PTPRN2: variants seen among roughly 807,000 people sequenced by gnomAD.
PTPRN2 encodes the protein receptor-type tyrosine-protein phosphatase N2.
Under a neutral mutation model 118.8 loss-of-function variants are expected in PTPRN2, and 74 were observed. That is an observed-to-expected ratio of 0.62 (90% CI 0.52 to 0.76). The LOEUF (loss-of-function observed/expected upper bound fraction) is 0.76, where lower values mean the gene tolerates loss of function less well. Among genes scored for constraint, PTPRN2 ranks in the 30% least tolerant of loss-of-function variants. PTPRN2 has a pLI of 0.00. For synonymous variants in PTPRN2, 641 were observed against 608.0 expected (o/e 1.05, Z -0.80); for missense variants, 1,481 against 1,394.4 (o/e 1.06, Z -0.99).
intron 2 of PTPRN2, among the ~76,000 whole-genome samples, chr7:158,457,185 G>A (rs1818569428): frequency 6.6e-6 from 1 of 152,168 alleles, no homozygotes; most frequent in Admixed American, 6.5e-5. Context: ...CAAGAATCCA[G>A]GCTGAGTCTT....
rs149195134 is a variant in PTPRN2 at position 157,961,243 on chromosome 7, A to G, written c.1724-62506T>C. Among the ~76,000 whole-genome samples the G allele has an allele frequency of 5.6e-3, 856 of 152,224 alleles. 10 individuals are homozygous for G. The highest frequency in any genetic ancestry group is 0.02 in the African/African-American group (811 of 41,532). On this transcript the variant is annotated intron_variant, in intron 11 of 22. Transcript: ENST00000389418. ...GCACACAATATAGATATTAAGAATTATTATAAGGTCAGGCGTGGTAGCTCA... is the reference window on the plus strand; with the variant it reads ...GCACACAATATAGATATTAAGAATTGTTATAAGGTCAGGCGTGGTAGCTCA...
intron 6 of PTPRN2, among the ~76,000 whole-genome samples, chr7:158,145,579 G>A (rs934741174): frequency 6.6e-6 from 1 of 152,218 alleles, no homozygotes; most frequent in Non-Finnish European, 1.5e-5. Flanking sequence ...AGGCCATCAG[G>A]CACGGCGGGA....
intron 11 of PTPRN2, among the ~76,000 whole-genome samples, chr7:157,999,052 C>T (rs1247293630): frequency 6.6e-6 from 1 of 151,954 alleles, no homozygotes; most frequent in Non-Finnish European, 1.5e-5. Context: ...GGCTGTTCCT[C>T]CGAGCGGCCG....
chr7:158,314,577 C>T (rs1056463154), intron 3 of PTPRN2, among the ~76,000 whole-genome samples: 6 of 152,260 alleles, frequency 3.9e-5, no homozygotes, highest in South Asian at 2.1e-4. Flanking sequence ...GGGCCCAAGC[C>T]GCCCTGGAGG....
intron 10 of PTPRN2, among the ~76,000 whole-genome samples, chr7:158,102,791 C>T (rs1038789182): frequency 2.6e-5 from 4 of 152,038 alleles, no homozygotes; most frequent in African/African-American, 4.8e-5. Context: ...GTCACTGAGC[C>T]GGGTTCAGGA....
In PTPRN2 at chr7:158,131,370, C is replaced by T. The variant is rs549174837; in HGVS notation, c.1556+2307G>A. Among the ~76,000 whole-genome samples the T allele has an allele frequency of 2.4e-3, 205 of 86,248 alleles. 4 individuals are homozygous for T. The highest frequency in any genetic ancestry group is 9.7e-3 in the African/African-American group (172 of 17,722). The allele number at this position is 86,248 out of a possible 152,430, so 56.6% of individuals were successfully genotyped here. ...TTGCACAAACCAATACACATCTACC[C>T]GACACACACACTCATACACACACGT... is the stretch of plus-strand genomic sequence containing the variant. On this transcript the variant is annotated intron_variant, in intron 9 of 22. Coordinates refer to ENST00000389418, the MANE Select transcript of PTPRN2 (RefSeq NM_002847.5).
At chr7:157,873,962 T>C (rs1795554095) in intron 12 of PTPRN2, among the ~76,000 whole-genome samples, 1 of 152,120 alleles carries the variant, frequency 6.6e-6, no homozygotes, top group Non-Finnish European at 1.5e-5. Context: ...TTGACGGCTC[T>C]AGGTCTGCCA....
intron 9 of PTPRN2, among the ~76,000 whole-genome samples, chr7:158,113,219 A>C (rs1429364848): frequency 6.6e-6 from 1 of 152,130 alleles, no homozygotes; most frequent in Non-Finnish European, 1.5e-5. Flanking sequence ...GCGGGTCATG[A>C]TGGCTGTGGG....
chr7:158,506,342 T>C (rs1015542374), intron 1 of PTPRN2, among the ~76,000 whole-genome samples: 8 of 152,034 alleles, frequency 5.3e-5, no homozygotes, highest in Non-Finnish European at 7.4e-5. Flanking sequence ...GGCTCCACAG[T>C]GAGGCTGAGG....
chr7:157,702,535 G>GC (rs1798130276), intron 12 of PTPRN2, among the ~76,000 whole-genome samples: 1 of 152,200 alleles, frequency 6.6e-6, no homozygotes, highest in Admixed American at 6.5e-5. Context: ...CTGGCTCAGT[G>GC]CCCTCCATAG....
At chr7:158,409,608 C>A (rs1294641571) in intron 2 of PTPRN2, among the ~76,000 whole-genome samples, 2 of 152,188 alleles carry the variant, frequency 1.3e-5, no homozygotes, top group Non-Finnish European at 2.9e-5. Flanking sequence ...TACGAAGCAT[C>A]CAAGCCCCTC....
chr7:158,073,831 G>A (rs756802061), intron 11 of PTPRN2, among the ~76,000 whole-genome samples: 11 of 152,286 alleles, frequency 7.2e-5, no homozygotes, highest in Non-Finnish European at 1.2e-4. Flanking sequence ...GAAGGACCAG[G>A]GCTTCAACAC....
chr7:158,262,951 CACAT>C (rs1457018370), intron 3 of PTPRN2, among the ~76,000 whole-genome samples: 149 of 147,014 alleles, frequency 1.0e-3, no homozygotes, highest in African/African-American at 3.5e-3. Context: ...CACATTCACA[CACAT>C]ACACACATTC....
At chr7:158,244,190 G>C (rs906200820) in intron 3 of PTPRN2, among the ~76,000 whole-genome samples, 1 of 152,196 alleles carries the variant, frequency 6.6e-6, no homozygotes, top group Non-Finnish European at 1.5e-5. Context: ...AGCCAGAAGG[G>C]AAAGGCCAGG....
At chr7:158,100,936 T>G (rs1306893171) in intron 10 of PTPRN2, among the ~76,000 whole-genome samples, 1 of 152,102 alleles carries the variant, frequency 6.6e-6, no homozygotes, top group Non-Finnish European at 1.5e-5. Context: ...ATTGTGAAAA[T>G]GACCGTACTG....
In PTPRN2 at chr7:157,878,906, A is replaced by C. The variant is rs376977422; in HGVS notation, c.1788+19767T>G. Among the ~76,000 whole-genome samples the C allele has an allele frequency of 1.8e-4, 20 of 112,376 alleles. No homozygotes were observed. The East Asian group carries it at 3.2e-3, about 18-fold the overall frequency. 73.7% of individuals were successfully genotyped at this position (112,376 alleles called of 152,430 possible). ...GGTCAGTGTGATACCATGCACCCAC[A>C]CTTACTCACCGAGGAGCTCTCGGAT... On this transcript the variant is annotated intron_variant, in intron 12 of 22. Coordinates refer to ENST00000389418, the MANE Select transcript of PTPRN2 (RefSeq NM_002847.5).
chr7:157,650,849 C>T (rs116917226), intron 14 of PTPRN2, among the ~76,000 whole-genome samples: 7 of 152,180 alleles, frequency 4.6e-5, no homozygotes, highest in Non-Finnish European at 7.3e-5. Context: ...CCTCCTGGTT[C>T]GGTGACTTAT....
intron 12 of PTPRN2, among the ~76,000 whole-genome samples, chr7:157,882,608 C>T (rs1165888523): frequency 2.0e-5 from 3 of 149,584 alleles, no homozygotes; most frequent in Non-Finnish European, 4.4e-5. Context: ...CAGAACACAC[C>T]ACCGCAAAAT....
chr7:157,925,470 A>G lies in PTPRN2; in HGVS notation c.1724-26733T>C, dbSNP rs1160561901. Among the ~76,000 whole-genome samples, 4 of 152,246 alleles carry G rather than the reference A, an allele frequency of 2.6e-5. No homozygotes were observed. The East Asian group carries it at 7.7e-4, about 29-fold the overall frequency. On this transcript the variant is annotated intron_variant, in intron 11 of 22. Coordinates refer to ENST00000389418, the MANE Select transcript of PTPRN2 (RefSeq NM_002847.5). Reference sequence around the variant, plus strand: ...CTACGTCCAAATCACGGCTGTCACAATAGCCCTTCATGGGTTCACCTTCCT... The same window carrying G: ...CTACGTCCAAATCACGGCTGTCACAGTAGCCCTTCATGGGTTCACCTTCCT...
Sources: gnomAD v4.1 joint callset for allele counts (sites outside exome capture counted in the v4.1 genomes callset) on GRCh38, gnomAD v4.1.1 for gene constraint, MANE v1.5 for transcripts, NCBI Gene and HGNC (gene_info 2026-07-23, HGNC 2026-07-21) for gene names.